CCDC85A: variants seen among roughly 807,000 people sequenced by gnomAD.
CCDC85A encodes the protein coiled-coil domain containing 85A.
CCDC85A carries 38 observed loss-of-function variants against 50.2 expected under a neutral mutation model. The ratio of observed to expected loss-of-function variants is 0.76; its 90% CI spans 0.58 to 0.99. The LOEUF (loss-of-function observed/expected upper bound fraction) is 0.99. Ranked by LOEUF, CCDC85A falls within the 50% of genes least tolerant of loss-of-function variation. The pLI, the probability that CCDC85A is intolerant of heterozygous loss-of-function variation, is 0.00. For missense variants in CCDC85A, 820 were observed against 742.0 expected, an observed-to-expected ratio of 1.11 and a Z score of -1.22; for synonymous variants, 366 against 301.4, an observed-to-expected ratio of 1.21 and a Z score of -2.22.
At chr2:56,333,381 A>G (rs965671746) in intron 2 of CCDC85A, among the ~76,000 whole-genome samples, 23 of 152,344 alleles carry the variant, frequency 1.5e-4, no homozygotes, top group African/African-American at 4.8e-4. Context: ...GAAGACATCT[A>G]TGGTGTTCAG....
In CCDC85A at chr2:56,261,833, C is replaced by G. The variant is rs76423193; in HGVS notation, c.1240+68393C>G. ...TAGGTGAAGTGGATGTTGGAGCACT[C>G]TTCACACACCCTTTCATGATATCCT... On this transcript the variant is annotated intron_variant, in intron 2 of 5. Transcript: ENST00000407595. Among the ~76,000 whole-genome samples the G allele has an allele frequency of 4.2e-3, 635 of 152,248 alleles. 3 individuals carry two copies. Among genetic ancestry groups the G allele is most frequent in the African/African-American group, 0.015 (612 of 41,528 alleles).
chr2:56,333,550 T>A (rs1345184451), intron 2 of CCDC85A, among the ~76,000 whole-genome samples: 2 of 152,108 alleles, frequency 1.3e-5, no homozygotes, highest in Non-Finnish European at 2.9e-5. Flanking sequence ...GAATAAAGAA[T>A]GATGTGATCA....
At chr2:56,215,683 A>C (rs1207477643) in intron 2 of CCDC85A, among the ~76,000 whole-genome samples, 1 of 151,148 alleles carries the variant, frequency 6.6e-6, no homozygotes, top group Non-Finnish European at 1.5e-5. Flanking sequence ...TTCTCTTTGA[A>C]CTTCATCACT....
intron 2 of CCDC85A, among the ~76,000 whole-genome samples, chr2:56,268,851 TAC>T (rs989637348): frequency 2.0e-5 from 3 of 152,176 alleles, no homozygotes; most frequent in Non-Finnish European, 2.9e-5. Flanking sequence ...AGAAAGATAA[TAC>T]AGTCTTCCCT....
intron 3 of CCDC85A, among the ~76,000 whole-genome samples, chr2:56,354,590 T>A (rs1382581771): frequency 6.6e-6 from 1 of 152,182 alleles, no homozygotes; most frequent in East Asian, 1.9e-4. Flanking sequence ...GAGATGGTAA[T>A]GAGTGTAGCT....
chr2:56,315,582 G>T (rs1291065820), intron 2 of CCDC85A, among the ~76,000 whole-genome samples: 1 of 152,072 alleles, frequency 6.6e-6, no homozygotes, highest in African/African-American at 2.4e-5. Context: ...AATTAGAATG[G>T]GATTCAGTGT....
At chr2:56,329,219 A>G (rs1239557560) in intron 2 of CCDC85A, among the ~76,000 whole-genome samples, 1 of 152,116 alleles carries the variant, frequency 6.6e-6, no homozygotes, top group African/African-American at 2.4e-5. Flanking sequence ...CCGCTTGGAA[A>G]GCTCATTCCC....
At chr2:56,307,323 A>G (rs1282369647) in intron 2 of CCDC85A, among the ~76,000 whole-genome samples, 5 of 151,940 alleles carry the variant, frequency 3.3e-5, no homozygotes, top group African/African-American at 1.2e-4. Flanking sequence ...AGAAATTATC[A>G]TATATGCTTT....
At chr2:56,268,680 C>T (rs981158167) in intron 2 of CCDC85A, among the ~76,000 whole-genome samples, 1 of 150,788 alleles carries the variant, frequency 6.6e-6, no homozygotes, top group Non-Finnish European at 1.5e-5. Flanking sequence ...CAAGAAATTA[C>T]AGATTTTCAA....
At chr2:56,378,177 G>C (rs995191645) in intron 5 of CCDC85A, among the ~76,000 whole-genome samples, 1 of 152,162 alleles carries the variant, frequency 6.6e-6, no homozygotes, top group Non-Finnish European at 1.5e-5. Context: ...AGAGCCAGCT[G>C]TCTAGAGCTG....
At chr2:56,227,644 C>T (rs1419633845) in intron 2 of CCDC85A, among the ~76,000 whole-genome samples, 1 of 152,074 alleles carries the variant, frequency 6.6e-6, no homozygotes, top group African/African-American at 2.4e-5. Flanking sequence ...AATATTATAG[C>T]CCACAAACCC....
At chr2:56,345,393 TTTGTCAAAGTAATTTAGTTATTTAC>T (rs1184308586) in intron 3 of CCDC85A, among the ~76,000 whole-genome samples, 3 of 152,336 alleles carry the variant, frequency 2.0e-5, no homozygotes, top group East Asian at 3.9e-4. Flanking sequence ...TAGTTATTTA[TTTGTCAAAGTAATTTAGTTATTTAC>T]TTGTCAAAGT....
At chr2:56,351,817 A>G (rs1674959639) in intron 3 of CCDC85A, among the ~76,000 whole-genome samples, 1 of 151,822 alleles carries the variant, frequency 6.6e-6, no homozygotes, top group Admixed American at 6.6e-5. Context: ...GTTCACTCCA[A>G]TGGTAGTTTC....
intron 2 of CCDC85A, among the ~76,000 whole-genome samples, chr2:56,197,319 C>T (rs1338095361): frequency 1.3e-5 from 2 of 151,316 alleles, no homozygotes; most frequent in Admixed American, 6.6e-5. Context: ...TCTGAGCATC[C>T]CCCTAGTTGT....
intron 2 of CCDC85A, among the ~76,000 whole-genome samples, chr2:56,212,826 C>T (rs1677233017): frequency 6.6e-6 from 1 of 151,894 alleles, no homozygotes; most frequent in Non-Finnish European, 1.5e-5. Context: ...CCAGTTTCTT[C>T]CTAAGCTTCA....
intron 2 of CCDC85A, among the ~76,000 whole-genome samples, chr2:56,325,843 G>T (rs116308295): frequency 0.011 from 1,627 of 152,186 alleles, 25 homozygotes; most frequent in African/African-American, 0.036. Context: ...GCTTTGGATG[G>T]CTTGGTTGTT....
intron 1 of CCDC85A, chr2:56,185,842 C>T (rs1676006672): frequency 6.6e-6 from 1 of 152,412 alleles, no homozygotes; most frequent in South Asian, 2.1e-4. Flanking sequence ...GCGCTGGTGC[C>T]TCCTGGTATT....
intron 2 of CCDC85A, among the ~76,000 whole-genome samples, chr2:56,327,389 T>C (rs1043798917): frequency 2.6e-5 from 4 of 152,098 alleles, no homozygotes; most frequent in Admixed American, 2.0e-4. Context: ...TAGAGCTGTT[T>C]GAACTGGTAA....
chr2:56,243,916 G>A (rs1433107990), intron 2 of CCDC85A, among the ~76,000 whole-genome samples: 1 of 152,180 alleles, frequency 6.6e-6, no homozygotes, highest in Non-Finnish European at 1.5e-5. Context: ...TGGTGGTCTT[G>A]GATAAGTTCT....
Sources: allele counts gnomAD v4.1 joint callset (sites outside exome capture counted in the v4.1 genomes callset), GRCh38; gene constraint gnomAD v4.1.1; transcripts MANE v1.5; gene names NCBI Gene and HGNC (gene_info 2026-07-23, HGNC 2026-07-21).